Variants in ITSN2 observed in about 807,000 individuals in gnomAD.
ITSN2 encodes the protein intersectin 2.
In ITSN2, 156 loss-of-function variants were observed where a neutral mutation model predicts 243.7. The ratio of observed to expected loss-of-function variants is 0.64; its 90% CI spans 0.56 to 0.73. ITSN2 has a LOEUF of 0.73. Among genes scored for constraint, ITSN2 ranks in the 30% least tolerant of loss-of-function variants. The pLI is 0.00. For missense variants in ITSN2, 1,801 were observed against 1,996.1 expected, an observed-to-expected ratio of 0.90 and a Z score of 1.86; for synonymous variants, 703 against 699.9, an observed-to-expected ratio of 1.00 and a Z score of -0.07.
chr2:24,209,390 C>T (rs977420994), intron 35 of ITSN2, among the ~76,000 whole-genome samples, 169 bp from the exon 36 acceptor site: 1 of 152,222 alleles, frequency 6.6e-6, no homozygotes, highest in Non-Finnish European at 1.5e-5. Flanking sequence ...TTTGTAAGAA[C>T]AATGAAGCCT....
intron 9 of ITSN2, among the ~76,000 whole-genome samples, chr2:24,302,346 C>T (rs1321956632): frequency 1.3e-5 from 2 of 151,902 alleles, no homozygotes; most frequent in Non-Finnish European, 2.9e-5. Flanking sequence ...CTACAGGCGC[C>T]CGCCACCACG....
rs1176976844 is a variant in ITSN2, at chr2:24,308,725, TC to T, written c.684del (p.Asn229ThrfsTer18). 3 of 1,497,822 alleles carry T rather than the reference TC, an allele frequency of 2.0e-6. No individual in the cohort carries two copies. The highest frequency in any genetic ancestry group is 2.7e-6 in the Non-Finnish European group (3 of 1,118,340). The allele number at this position is 1,497,822 out of a possible 1,614,324, so 92.8% of individuals were successfully genotyped here. A position where few individuals can be genotyped will look rare whatever the true frequency, so the allele number is the denominator to read the frequency against. ...TCTGAGGTCCCAGTCTTGGGTGAGT[TC>T]CCTGAGAGTGAAGCAGTCGAGGAAG... ...SSTSSTASLS[G>X]NSPKTGTSEW... On this transcript the variant is annotated frameshift_variant, in exon 8 of 40. Transcript: ENST00000355123. LOFTEE classifies it high-confidence loss of function.
chr2:24,292,479 G>C (rs1680381899), intron 15 of ITSN2, among the ~76,000 whole-genome samples: 1 of 152,108 alleles, frequency 6.6e-6, no homozygotes, highest in Non-Finnish European at 1.5e-5. Context: ...GTCTGAGCAG[G>C]GACATGGATA....
intron 29 of ITSN2, chr2:24,239,325 T>A (rs1251837896): frequency 6.6e-6 from 1 of 152,372 alleles, no homozygotes; most frequent in African/African-American, 2.4e-5. Flanking sequence ...TCTTTTAAAC[T>A]ACAGTATTTA....
intron 17 of ITSN2, among the ~76,000 whole-genome samples, chr2:24,276,484 G>A (rs1229243032): frequency 1.3e-5 from 2 of 152,186 alleles, no homozygotes; most frequent in African/African-American, 2.4e-5. Flanking sequence ...TACAGACTTT[G>A]TCTTTAAAGA....
In ITSN2 at chr2:24,300,156, T is replaced by G; in HGVS notation, c.1097A>C (p.Lys366Thr). The G allele has an allele frequency of 1.9e-6, 3 of 1,614,190 alleles. No homozygotes were observed. Among genetic ancestry groups the G allele is most frequent in the Non-Finnish European group, 2.5e-6 (3 of 1,180,038 alleles). The change falls in exon 12 of 40, where the codon AAA becomes ACA. Residue 366 changes from lysine to threonine, a missense_variant. Coordinates refer to ENST00000355123, the MANE Select transcript of ITSN2 (RefSeq NM_006277.3). ...CCCTCGCTCATAGTTGGCTTTCCGT[T>G]TGTCCTCAAAAGTAACTGAACAAGG... ...QKKLPVTFED[K>T]RKANYERGNM...
chr2:24,314,478 G>T (rs1574280523), intron 3 of ITSN2, among the ~76,000 whole-genome samples: 1 of 152,230 alleles, frequency 6.6e-6, no homozygotes, highest in East Asian at 1.9e-4. Context: ...TTCACTATTT[G>T]TAAATATAGA....
chr2:24,223,996 AGG>A (rs1330566908), intron 29 of ITSN2, among the ~76,000 whole-genome samples: 1 of 152,032 alleles, frequency 6.6e-6, no homozygotes, highest in African/African-American at 2.4e-5. Context: ...GGAACTGCAG[AGG>A]GTAACTGAGT....
intron 1 of ITSN2, among the ~76,000 whole-genome samples, chr2:24,351,785 CGACT>C (rs1688039666): frequency 6.6e-6 from 1 of 152,194 alleles, no homozygotes; most frequent in East Asian, 1.9e-4. Flanking sequence ...GTTATCAGAC[CGACT>C]GTCACAGTAT....
At chr2:24,284,449 T>C (rs1239043916) in intron 17 of ITSN2, among the ~76,000 whole-genome samples, 1 of 152,316 alleles carries the variant, frequency 6.6e-6, no homozygotes, top group East Asian at 1.9e-4. Context: ...TTCCTTTGAA[T>C]TGAGTTAGTA....
chr2:24,268,144 C>T (rs537330496), intron 20 of ITSN2, among the ~76,000 whole-genome samples: 1 of 152,306 alleles, frequency 6.6e-6, no homozygotes, highest in South Asian at 2.1e-4. Context: ...ATAGCATTAA[C>T]AGATTAGAAG....
intron 37 of ITSN2, chr2:24,205,777 A>G (rs1290655233): frequency 6.0e-6 from 1 of 167,738 alleles, no homozygotes; most frequent in Non-Finnish European, 1.3e-5. Context: ...GCAGCACTTA[A>G]TAGCAGCTAA....
chr2:24,291,407 G>GC (rs1204140399), intron 15 of ITSN2, among the ~76,000 whole-genome samples: 1 of 152,010 alleles, frequency 6.6e-6, no homozygotes, highest in Non-Finnish European at 1.5e-5. Context: ...GGGATTACAG[G>GC]CATGAGCCAC....
chr2:24,263,244 G>A (rs1676148319), intron 20 of ITSN2, among the ~76,000 whole-genome samples: 1 of 151,644 alleles, frequency 6.6e-6, no homozygotes, highest in Non-Finnish European at 1.5e-5. Flanking sequence ...GAGCTTTATT[G>A]ACCCCCACTG....
At chr2:24,231,236 T>G (rs1416072522) in intron 29 of ITSN2, among the ~76,000 whole-genome samples, 1 of 152,244 alleles carries the variant, frequency 6.6e-6, no homozygotes, top group Non-Finnish European at 1.5e-5. Flanking sequence ...GTTCGTTTTC[T>G]GTTTTAGCCT....
intron 13 of ITSN2, among the ~76,000 whole-genome samples, chr2:24,296,811 A>G (rs918347108): frequency 6.6e-6 from 1 of 152,244 alleles, no homozygotes; most frequent in Non-Finnish European, 1.5e-5. Flanking sequence ...ACTGATGATG[A>G]AAAGTTTTAC....
chr2:24,209,133 A>T lies in ITSN2; in HGVS notation c.4562T>A (p.Val1521Asp). 7.4e-6 allele frequency: 12 copies of T among 1,614,044 alleles called. No homozygotes were observed. Among genetic ancestry groups the T allele is most frequent in the Non-Finnish European group, 1.0e-5 (12 of 1,179,998 alleles). ...PVFHISHIDRVYTLRTDNINE... is the reference protein window; with the variant it reads ...PVFHISHIDRDYTLRTDNINE... ...AATGTTGTCTGTTCGGAGGGTGTAG[A>T]CCCGATCAATGTGGGAAATGTGGAA... Residue 1521 changes from valine (V) to aspartate (D), a missense_variant, in exon 36 of 40, where the codon GTC (valine) becomes GAC (aspartate). Val to Asp is a radical substitution (Grantham distance 152). This residue lies in a region of ITSN2 where 928 missense variants were observed against 1,065.4 expected (regional missense o/e 0.87). Transcript: ENST00000355123.
At chr2:24,267,450 GGTACACATAT>G (rs1192913682) in intron 20 of ITSN2, among the ~76,000 whole-genome samples, 1 of 150,670 alleles carries the variant, frequency 6.6e-6, no homozygotes, top group Non-Finnish European at 1.5e-5. Context: ...GCTATATATA[GGTACACATAT>G]GTACATACAT....
At chr2:24,207,964 A>G (rs781711910) in intron 37 of ITSN2, among the ~76,000 whole-genome samples, 2 of 151,694 alleles carry the variant, frequency 1.3e-5, no homozygotes, top group Non-Finnish European at 2.9e-5. Flanking sequence ...CATGGAGAGA[A>G]AGGAGTGGAG....
Sources: gnomAD v4.1 joint callset for allele counts (sites outside exome capture counted in the v4.1 genomes callset) on GRCh38, gnomAD v4.1.1 for gene constraint, gnomAD v4.1.1 regional missense constraint, MANE v1.5 for transcripts, NCBI Gene and HGNC (gene_info 2026-07-23, HGNC 2026-07-21) for gene names.